The following PIP5K1B variants were observed in gnomAD, a reference collection of about 807,000 sequenced individuals.
The protein encoded by PIP5K1B is phosphatidylinositol 4-phosphate 5-kinase type-1 beta.
A neutral mutation model predicts 67.0 loss-of-function variants in PIP5K1B; 42 were observed. That is an observed-to-expected ratio of 0.63 (90% CI 0.49 to 0.81). The LOEUF is 0.81. Among genes scored for constraint, PIP5K1B ranks in the 30% least tolerant of loss-of-function variants. The probability of loss-of-function intolerance (pLI) is 0.00; values close to 1 mark genes in which losing one functional copy is unlikely to be tolerated. For missense variants in PIP5K1B, 459 were observed against 646.3 expected (o/e 0.71, Z 3.14); for synonymous variants, 214 against 231.4 (o/e 0.92, Z 0.68).
chr9:68,730,347 A>C (rs922302683), intron 1 of PIP5K1B, among the ~76,000 whole-genome samples: 1 of 152,216 alleles, frequency 6.6e-6, no homozygotes, highest in South Asian at 2.1e-4. Context: ...ACGAACAGCC[A>C]GGAAATGGGA....
intron 1 of PIP5K1B, among the ~76,000 whole-genome samples, chr9:68,740,738 G>A (rs1828964752): frequency 6.6e-6 from 1 of 152,212 alleles, no homozygotes; most frequent in African/African-American, 2.4e-5. Flanking sequence ...AGTAAGGCTT[G>A]TGCCTTCCTC....
At chr9:68,988,984 G>A (rs561599372) in intron 14 of PIP5K1B, among the ~76,000 whole-genome samples, 202 of 150,562 alleles carry the variant, frequency 1.3e-3, no homozygotes, top group Admixed American at 3.7e-3. Flanking sequence ...AATCCCAGCT[G>A]CTCGAGAGGC....
intron 9 of PIP5K1B, among the ~76,000 whole-genome samples, chr9:68,918,655 A>G (rs936004462): frequency 1.3e-5 from 2 of 152,244 alleles, no homozygotes; most frequent in Admixed American, 6.5e-5. Flanking sequence ...AGACTGAAAG[A>G]AAGCAATCAT....
intron 2 of PIP5K1B, chr9:68,782,902 A>G (rs1564131720): frequency 6.0e-6 from 1 of 167,092 alleles, no homozygotes; most frequent in African/African-American, 2.4e-5. Context: ...ACTAGAAACT[A>G]TGGAAGCATC....
At chr9:69,004,335 T>TGTG (rs1554755759) in intron 15 of PIP5K1B, among the ~76,000 whole-genome samples, 2 of 120,894 alleles carry the variant, frequency 1.7e-5, no homozygotes, top group Non-Finnish European at 3.5e-5. Context: ...GTGTGTGTGT[T>TGTG]TTTGTGTGTG....
At chr9:68,871,462 T>C (rs1823622222) in intron 5 of PIP5K1B, among the ~76,000 whole-genome samples, 1 of 152,186 alleles carries the variant, frequency 6.6e-6, no homozygotes, top group Non-Finnish European at 1.5e-5. Flanking sequence ...TTCAACATTG[T>C]GTAATTCTGA....
At chr9:68,792,742 G>A (rs529782039) in intron 2 of PIP5K1B, among the ~76,000 whole-genome samples, 1 of 152,292 alleles carries the variant, frequency 6.6e-6, no homozygotes, top group East Asian at 1.9e-4. Flanking sequence ...GCCTCCCAAA[G>A]TGCTGGGATT....
intron 15 of PIP5K1B, among the ~76,000 whole-genome samples, chr9:68,998,434 C>T (rs1830686598): frequency 6.6e-6 from 1 of 152,208 alleles, no homozygotes. Flanking sequence ...GGTTGCCCCT[C>T]ATTTTTCATT....
At chr9:68,920,325 TCAA>T (rs1011165420) in intron 11 of PIP5K1B, among the ~76,000 whole-genome samples, 1 of 143,602 alleles carries the variant, frequency 7.0e-6, no homozygotes, top group Non-Finnish European at 1.5e-5. Flanking sequence ...GATTTCTACA[TCAA>T]CATTTATACA....
chr9:68,710,059 T>C (rs1827310971), intron 1 of PIP5K1B, among the ~76,000 whole-genome samples: 1 of 152,274 alleles, frequency 6.6e-6, no homozygotes, highest in African/African-American at 2.4e-5. Flanking sequence ...ATTTTGCTTG[T>C]ACTTCTGTTA....
At chr9:68,779,828 G>A (rs759477274) in intron 2 of PIP5K1B, among the ~76,000 whole-genome samples, 4 of 152,266 alleles carry the variant, frequency 2.6e-5, no homozygotes, top group Non-Finnish European at 4.4e-5. Context: ...CTCTTTCAGG[G>A]CTTTGTTTTA....
chr9:68,963,292 C>T (rs1392949902), intron 14 of PIP5K1B: 29 of 450,406 alleles, frequency 6.4e-5, no homozygotes, highest in Admixed American at 1.9e-4. Context: ...CTCTTGAGTC[C>T]GGAAGTTCAA....
intron 7 of PIP5K1B, 138 bp downstream of exon 7, chr9:68,889,271 T>C (rs1449357070): frequency 6.1e-6 from 4 of 651,126 alleles, no homozygotes; most frequent in African/African-American, 1.8e-5. Flanking sequence ...TAAATTATGC[T>C]ATGACATTCA....
At chr9:68,988,806 T>C (rs1830222137) in intron 14 of PIP5K1B, among the ~76,000 whole-genome samples, 1 of 151,964 alleles carries the variant, frequency 6.6e-6, no homozygotes, top group Non-Finnish European at 1.5e-5. Flanking sequence ...TCTTAAGATC[T>C]ACACAATTTG....
At chr9:68,876,614 G>A (rs1050655735) in intron 5 of PIP5K1B, 63 bp from the exon 6 acceptor site, 50 of 884,034 alleles carry the variant, frequency 5.7e-5, no homozygotes, top group Middle Eastern at 2.2e-4. Flanking sequence ...TACAATTTGC[G>A]GTCAAAATTG....
chr9:68,989,290 C>T (rs1157234632), intron 14 of PIP5K1B, among the ~76,000 whole-genome samples: 2 of 152,098 alleles, frequency 1.3e-5, no homozygotes, highest in African/African-American at 4.8e-5. Context: ...TCAGTGGCCT[C>T]CTGTTCAGCT....
chr9:68,965,291 A>C (rs17059748), intron 14 of PIP5K1B, among the ~76,000 whole-genome samples: 4,675 of 152,276 alleles, frequency 0.031, 235 homozygotes, highest in African/African-American at 0.1. Context: ...TTTAATTTGA[A>C]AGTCTAAGGT....
At chr9:68,793,757 G>A (rs1832133053) in intron 2 of PIP5K1B, among the ~76,000 whole-genome samples, 1 of 152,168 alleles carries the variant, frequency 6.6e-6, no homozygotes, top group African/African-American at 2.4e-5. Context: ...CAAGTAAGCA[G>A]TTAGATACCT....
chr9:68,866,184 T>C (rs936917146), intron 5 of PIP5K1B, among the ~76,000 whole-genome samples: 2 of 151,518 alleles, frequency 1.3e-5, no homozygotes, highest in African/African-American at 4.9e-5. Context: ...TCCCAGCAAC[T>C]CAGGAGGAGG....
Sources: gnomAD v4.1 joint callset for allele counts (sites outside exome capture counted in the v4.1 genomes callset) on GRCh38, gnomAD v4.1.1 for gene constraint, MANE v1.5 for transcripts, NCBI Gene and HGNC (gene_info 2026-07-23, HGNC 2026-07-21) for gene names.